GPC5: variants seen among roughly 807,000 people sequenced by gnomAD.
GPC5 encodes the protein glypican 5.
In GPC5, 47 loss-of-function variants were observed where a neutral mutation model predicts 53.9. The ratio of observed to expected loss-of-function variants is 0.87; its 90% CI spans 0.69 to 1.11. GPC5 has a LOEUF of 1.11. Among genes scored for constraint, GPC5 ranks in the 50% most tolerant of loss-of-function variants. The pLI is 0.00. For synonymous variants in GPC5, 286 were observed against 263.3 expected (o/e 1.09, Z -0.84); for missense variants, 748 against 713.1 (o/e 1.05, Z -0.56).
chr13:91,508,244 A>G (rs1012582224), intron 2 of GPC5, among the ~76,000 whole-genome samples: 1 of 152,230 alleles, frequency 6.6e-6, no homozygotes, highest in Non-Finnish European at 1.5e-5. Flanking sequence ...ATTAGATGTG[A>G]GAGATGCTAA....
At chr13:91,729,629 A>G (rs1328734109) in intron 4 of GPC5, among the ~76,000 whole-genome samples, 9 of 152,136 alleles carry the variant, frequency 5.9e-5, no homozygotes, top group Non-Finnish European at 1.0e-4. Flanking sequence ...GATCTGGGCT[A>G]TTGCTGGCTA....
intron 7 of GPC5, among the ~76,000 whole-genome samples, chr13:92,839,578 T>C (rs1333599766): frequency 6.6e-6 from 1 of 152,130 alleles, no homozygotes; most frequent in Non-Finnish European, 1.5e-5. Context: ...CCTGTGTTAG[T>C]TTGTTAAGTA....
chr13:91,959,894 C>T (rs1398438518), intron 6 of GPC5, among the ~76,000 whole-genome samples: 3 of 151,908 alleles, frequency 2.0e-5, no homozygotes, highest in Non-Finnish European at 4.4e-5. Context: ...TTCAACATCT[C>T]TTTATGATAA....
At chr13:91,892,807 A>G (rs987715097) in intron 5 of GPC5, among the ~76,000 whole-genome samples, 1 of 151,972 alleles carries the variant, frequency 6.6e-6, no homozygotes, top group African/African-American at 2.4e-5. Flanking sequence ...TTTAGTGAGT[A>G]TCTGTCACTT....
At chr13:91,704,659 G>A (rs996722448) in intron 3 of GPC5, among the ~76,000 whole-genome samples, 2 of 152,198 alleles carry the variant, frequency 1.3e-5, no homozygotes, top group Non-Finnish European at 2.9e-5. Flanking sequence ...CCTCACTCAA[G>A]ATGGGACAAG....
intron 5 of GPC5, among the ~76,000 whole-genome samples, chr13:91,879,350 A>G (rs2039239967): frequency 6.6e-6 from 1 of 152,194 alleles, no homozygotes; most frequent in African/African-American, 2.4e-5. Flanking sequence ...GCTAAATTTT[A>G]TCGGTCATGC....
At chr13:92,545,404 GCATGT>G (rs1882073559) in intron 7 of GPC5, among the ~76,000 whole-genome samples, 4 of 152,176 alleles carry the variant, frequency 2.6e-5, no homozygotes, top group African/African-American at 9.7e-5. Flanking sequence ...CTTTATAGCA[GCATGT>G]TTTATAATCC....
intron 6 of GPC5, among the ~76,000 whole-genome samples, chr13:91,953,745 A>G (rs2040048385): frequency 6.6e-6 from 1 of 152,172 alleles, no homozygotes; most frequent in Non-Finnish European, 1.5e-5. Flanking sequence ...TGGTTTATAA[A>G]TGGGCCCTTC....
intron 7 of GPC5, among the ~76,000 whole-genome samples, chr13:92,825,736 A>G (rs577502776): frequency 1.3e-5 from 2 of 152,086 alleles, no homozygotes; most frequent in Non-Finnish European, 2.9e-5. Context: ...GTTTATGGGT[A>G]TTCTTTCATT....
At chr13:92,126,817 A>AGTGTGT (rs71120073) in intron 6 of GPC5, among the ~76,000 whole-genome samples, 71 of 150,022 alleles carry the variant, frequency 4.7e-4, no homozygotes, top group Admixed American at 1.2e-3. Flanking sequence ...GAAAAGTTGG[A>AGTGTGT]GTGTGTGTGT....
At chr13:92,769,006 G>A (rs149933030) in intron 7 of GPC5, among the ~76,000 whole-genome samples, 110 of 152,076 alleles carry the variant, frequency 7.2e-4, no homozygotes, top group Non-Finnish European at 1.0e-3. Flanking sequence ...AAATAAGTAC[G>A]AACATAAGCC....
intron 3 of GPC5, among the ~76,000 whole-genome samples, chr13:91,708,274 T>G (rs964467535): frequency 1.4e-5 from 2 of 146,738 alleles, no homozygotes; most frequent in African/African-American, 5.0e-5. Flanking sequence ...TTTGTTTTTG[T>G]TTTTTTTTTG....
At position 92,382,788 on chromosome 13, in the gene GPC5, AT is replaced by A. The variant is rs1475101690; in HGVS notation, c.1561+237800del. ...CACTTTGGGAGGCCGAGGCAGGCGGATCACGAGGTCAGGAGATCAAGACCAC... is the reference window on the plus strand; with the variant it reads ...CACTTTGGGAGGCCGAGGCAGGCGGACACGAGGTCAGGAGATCAAGACCAC... On this transcript the variant is annotated intron_variant, in intron 7 of 7. Transcript: ENST00000377067. 6.6e-5 allele frequency among the ~76,000 whole-genome samples: 10 copies of A among 152,184 alleles called. No individual in the cohort carries two copies. In the East Asian group the frequency reaches 1.9e-3, roughly 30 times the overall value.
At chr13:92,374,471 T>G (rs2043676279) in intron 7 of GPC5, among the ~76,000 whole-genome samples, 1 of 152,106 alleles carries the variant, frequency 6.6e-6, no homozygotes, top group African/African-American at 2.4e-5. Flanking sequence ...TCTTCCTACC[T>G]AGTAGGAGCT....
intron 6 of GPC5, among the ~76,000 whole-genome samples, chr13:92,102,711 T>A (rs933681829): frequency 4.9e-4 from 75 of 152,188 alleles, no homozygotes; most frequent in African/African-American, 1.8e-3. Context: ...TCTAAAAGAA[T>A]CTATAAGTAA....
chr13:92,599,777 T>A (rs1359768567), intron 7 of GPC5, among the ~76,000 whole-genome samples: 1 of 150,526 alleles, frequency 6.6e-6, no homozygotes, highest in African/African-American at 2.4e-5. Flanking sequence ...ATAATTTTCC[T>A]GGATTAAGAG....
At chr13:91,658,913 GT>G (rs1341189075) in intron 2 of GPC5, among the ~76,000 whole-genome samples, 2 of 152,060 alleles carry the variant, frequency 1.3e-5, no homozygotes, top group African/African-American at 4.8e-5. Flanking sequence ...AATTTCCTTG[GT>G]TTTCTAAAAT....
At chr13:92,222,935 T>C (rs1023388500) in intron 7 of GPC5, among the ~76,000 whole-genome samples, 5 of 152,308 alleles carry the variant, frequency 3.3e-5, no homozygotes, top group South Asian at 2.1e-4. Context: ...CTGCAGAATA[T>C]GTTTTCATGC....
chr13:92,859,291 T>C (rs1879106500), intron 7 of GPC5, among the ~76,000 whole-genome samples: 1 of 152,136 alleles, frequency 6.6e-6, no homozygotes, highest in Non-Finnish European at 1.5e-5. Flanking sequence ...ATTATTCTAC[T>C]TATTTTAGCC....
Sources: gnomAD v4.1 joint callset for allele counts (sites outside exome capture counted in the v4.1 genomes callset) on GRCh38, gnomAD v4.1.1 for gene constraint, MANE v1.5 for transcripts, NCBI Gene and HGNC (gene_info 2026-07-23, HGNC 2026-07-21) for gene names.